Variants in CAMK1D observed in about 807,000 individuals in gnomAD.
The protein encoded by CAMK1D is calcium/calmodulin-dependent protein kinase type 1D.
In CAMK1D, 9 loss-of-function variants were observed where a neutral mutation model predicts 47.7. That is an observed-to-expected ratio of 0.19 (90% CI 0.11 to 0.33). The LOEUF (loss-of-function observed/expected upper bound fraction) is 0.33, where lower values mean the gene tolerates loss of function less well. Among genes scored for constraint, CAMK1D ranks in the 10% least tolerant of loss-of-function variants. CAMK1D has a pLI of 1.00. For synonymous variants in CAMK1D, 184 were observed against 184.9 expected, an observed-to-expected ratio of 0.99 and a Z score of 0.04; for missense variants, 291 against 488.7, an observed-to-expected ratio of 0.60 and a Z score of 3.81.
intron 1 of CAMK1D, among the ~76,000 whole-genome samples, chr10:12,538,840 G>C (rs1400431570): frequency 2.0e-5 from 3 of 151,406 alleles, no homozygotes; most frequent in Non-Finnish European, 2.9e-5. Flanking sequence ...GTGGGGGAGG[G>C]GGGCAGTGGA....
At chr10:12,574,313 T>C (rs1402306736) in intron 2 of CAMK1D, among the ~76,000 whole-genome samples, 1 of 151,922 alleles carries the variant, frequency 6.6e-6, no homozygotes, top group African/African-American at 2.4e-5. Flanking sequence ...TTGTCCTTTT[T>C]TTTTTTGAGT....
chr10:12,707,713 T>C (rs1833780194), intron 3 of CAMK1D, among the ~76,000 whole-genome samples: 1 of 152,170 alleles, frequency 6.6e-6, no homozygotes, highest in Non-Finnish European at 1.5e-5. Context: ...TTGGATTCTT[T>C]GAGTATGAGG....
In CAMK1D at chr10:12,373,872, C is replaced by T. The variant is rs35865250; in HGVS notation, c.92+23962C>T. 3.9e-3 allele frequency among the ~76,000 whole-genome samples: 566 copies of T among 146,002 alleles called. 5 individuals carry two copies. Among genetic ancestry groups the T allele is most frequent in the African/African-American group, 0.014 (537 of 39,396 alleles). ...GGCGGATCACTGGAGGTCAGGAGTT[C>T]GAGACCAGGGTGGCCAACATGGTGA... On this transcript the variant is annotated intron_variant, in intron 1 of 10. Coordinates refer to ENST00000619168, the MANE Select transcript of CAMK1D (RefSeq NM_153498.4).
chr10:12,594,225 A>G (rs1838079868), intron 2 of CAMK1D, among the ~76,000 whole-genome samples: 1 of 152,232 alleles, frequency 6.6e-6, no homozygotes, highest in Non-Finnish European at 1.5e-5. Context: ...TCCACATTAC[A>G]GGGAGGAACA....
chr10:12,583,834 C>T (rs960220920), intron 2 of CAMK1D, among the ~76,000 whole-genome samples: 6 of 151,980 alleles, frequency 3.9e-5, no homozygotes, highest in Non-Finnish European at 7.4e-5. Context: ...CTCCTGACCT[C>T]GTGATCCGCC....
chr10:12,661,558 A>C (rs528612532), intron 2 of CAMK1D, among the ~76,000 whole-genome samples: 80 of 152,392 alleles, frequency 5.2e-4, no homozygotes, highest in Non-Finnish European at 9.6e-4. Flanking sequence ...CTTAACACAT[A>C]GTTAACAATA....
chr10:12,734,295 C>T (rs190594102), intron 3 of CAMK1D, among the ~76,000 whole-genome samples: 99 of 132,294 alleles, frequency 7.5e-4, no homozygotes, highest in Middle Eastern at 9.1e-3. Flanking sequence ...TGCACTCCAG[C>T]CTGGGCAACA....
At chr10:12,799,551 G>A (rs1002511566) in intron 6 of CAMK1D, among the ~76,000 whole-genome samples, 3 of 152,200 alleles carry the variant, frequency 2.0e-5, no homozygotes, top group East Asian at 1.9e-4. Flanking sequence ...CCGCATCATC[G>A]GTTAGCGCTT....
chr10:12,409,615 G>A (rs1839586001), intron 1 of CAMK1D, among the ~76,000 whole-genome samples: 1 of 152,200 alleles, frequency 6.6e-6, no homozygotes, highest in Non-Finnish European at 1.5e-5. Context: ...CTTTATTGAT[G>A]TATAAATTCA....
At chr10:12,556,194 C>A (rs548233874) in intron 2 of CAMK1D, among the ~76,000 whole-genome samples, 2 of 152,184 alleles carry the variant, frequency 1.3e-5, no homozygotes, top group East Asian at 3.9e-4. Flanking sequence ...GAGGCAGTTC[C>A]ACATCATGAG....
rs566922089 is a variant in CAMK1D, at chr10:12,722,008, T to C, written c.300-38940T>C. Reference sequence around the variant, plus strand: ...AGTGAGGTAGCTTTCTGAGGTCCCTTTTATAAGGGCGTTAATCCCATTCAC... The same window carrying C: ...AGTGAGGTAGCTTTCTGAGGTCCCTCTTATAAGGGCGTTAATCCCATTCAC... On this transcript the variant is annotated intron_variant, in intron 3 of 10. Coordinates refer to ENST00000619168, the MANE Select transcript of CAMK1D (RefSeq NM_153498.4). 2.2e-3 allele frequency among the ~76,000 whole-genome samples: 335 copies of C among 152,166 alleles called. 1 individual carries two copies. Among genetic ancestry groups the C allele is most frequent in the Non-Finnish European group, 3.5e-3 (237 of 67,996 alleles).
intron 4 of CAMK1D, among the ~76,000 whole-genome samples, chr10:12,766,817 A>G (rs1370331073): frequency 6.6e-6 from 1 of 152,172 alleles, no homozygotes; most frequent in Non-Finnish European, 1.5e-5. Context: ...AACGTAGCAG[A>G]CCGGCTAAGA....
intron 1 of CAMK1D, among the ~76,000 whole-genome samples, chr10:12,416,670 G>A (rs985675496): frequency 6.6e-6 from 1 of 152,222 alleles, no homozygotes; most frequent in African/African-American, 2.4e-5. Flanking sequence ...GCTGAGCACC[G>A]GAGGGAGGGC....
chr10:12,381,571 C>G (rs1358746790), intron 1 of CAMK1D, among the ~76,000 whole-genome samples: 4 of 152,160 alleles, frequency 2.6e-5, no homozygotes, highest in African/African-American at 9.7e-5. Flanking sequence ...GGTGATCCGC[C>G]TGCCTTGGCC....
intron 1 of CAMK1D, among the ~76,000 whole-genome samples, chr10:12,542,827 C>A (rs1836239376): frequency 6.6e-6 from 1 of 152,136 alleles, no homozygotes; most frequent in East Asian, 1.9e-4. Flanking sequence ...GCTGCAACAA[C>A]CTCCGCCTCC....
chr10:12,747,598 GA>G lies in CAMK1D; in HGVS notation c.300-13349del, dbSNP rs528486918. ...CTGCCTTGGCTTCCCAGAGTGCTAG[GA>G]TTATAGGCATGAGCCACTGCACCTC... On this transcript the variant is annotated intron_variant, in intron 3 of 10. Coordinates refer to ENST00000619168, the MANE Select transcript of CAMK1D (RefSeq NM_153498.4). Among the ~76,000 whole-genome samples, 26 of 152,292 alleles carry G rather than the reference GA, an allele frequency of 1.7e-4. 1 individual carries two copies. The East Asian group carries it at 5.0e-3, about 29-fold the overall frequency.
intron 3 of CAMK1D, among the ~76,000 whole-genome samples, chr10:12,734,314 C>T (rs1422806004): frequency 1.0e-5 from 1 of 99,150 alleles, no homozygotes; most frequent in Non-Finnish European, 1.8e-5. Context: ...CACAGCGAGA[C>T]TCCATCTCAA....
Position 12,666,677 on chromosome 10 carries a change from T to G in CAMK1D, c.225-59T>G, listed in dbSNP as rs528701992. On this transcript the variant is annotated intron_variant, in intron 2 of 10. Coordinates refer to ENST00000619168, the MANE Select transcript of CAMK1D (RefSeq NM_153498.4). ...ACTTTTTGCTACAATGCTGTCTGTT[T>G]TGAAACATTTTCCTATCTAATCATA... is the stretch of plus-strand genomic sequence containing the variant. 1.8e-5 allele frequency: 24 copies of G among 1,371,350 alleles called. No homozygotes were observed. In the African/African-American group the frequency reaches 3.4e-4, roughly 20 times the overall value. The allele number at this position is 1,371,350 out of a possible 1,614,324, so 84.9% of individuals were successfully genotyped here.
chr10:12,449,326 C>T (rs991039925), intron 1 of CAMK1D, among the ~76,000 whole-genome samples: 11 of 152,166 alleles, frequency 7.2e-5, no homozygotes, highest in African/African-American at 2.7e-4. Context: ...TGTGTAGCTG[C>T]TCCCGTGTTG....
Sources: allele counts gnomAD v4.1 joint callset (sites outside exome capture counted in the v4.1 genomes callset), GRCh38; gene constraint gnomAD v4.1.1; transcripts MANE v1.5; gene names NCBI Gene and HGNC (gene_info 2026-07-23, HGNC 2026-07-21).